The following FAM222B variants were observed in gnomAD, a reference collection of about 807,000 sequenced individuals.
FAM222B encodes family with sequence similarity 222 member B, also known as protein FAM222B.
Under a neutral mutation model 38.0 loss-of-function variants are expected in FAM222B, and 12 were observed. That is an observed-to-expected ratio of 0.32 (90% CI 0.20 to 0.51). The LOEUF (loss-of-function observed/expected upper bound fraction) is 0.51, where lower values mean the gene tolerates loss of function less well. Ranked by LOEUF, FAM222B falls within the 20% of genes least tolerant of loss-of-function variation. The pLI is 0.97. For synonymous variants in FAM222B, 329 were observed against 317.2 expected (o/e 1.04, Z -0.40); for missense variants, 716 against 754.2 (o/e 0.95, Z 0.59).
At chr17:28,760,038 A>G (rs2031556854) in intron 2 of FAM222B, among the ~76,000 whole-genome samples, 162 bp from the exon 3 acceptor site, 1 of 152,216 alleles carries the variant, frequency 6.6e-6, no homozygotes, top group South Asian at 2.1e-4. Context: ...TTCAGTCTTC[A>G]CATTAACAAG....
chr17:28,800,853 GAA>G (rs534314851), intron 1 of FAM222B, among the ~76,000 whole-genome samples: 46 of 111,046 alleles, frequency 4.1e-4, no homozygotes, highest in African/African-American at 1.3e-3. Flanking sequence ...ACATTTTGTT[GAA>G]AAAAAAAAAA....
intron 1 of FAM222B, among the ~76,000 whole-genome samples, chr17:28,836,655 C>T (rs967986179): frequency 2.0e-5 from 3 of 152,024 alleles, no homozygotes; most frequent in Non-Finnish European, 4.4e-5. Context: ...GTAATTGGAA[C>T]GGAACAGAAC....
chr17:28,776,148 G>C (rs1056706644), intron 1 of FAM222B, among the ~76,000 whole-genome samples: 2 of 150,228 alleles, frequency 1.3e-5, no homozygotes, highest in African/African-American at 2.4e-5. Flanking sequence ...TGAGGCGGGC[G>C]TATCATGAGA....
intron 1 of FAM222B, among the ~76,000 whole-genome samples, chr17:28,839,375 G>C (rs2038957464): frequency 6.6e-6 from 1 of 152,078 alleles, no homozygotes; most frequent in South Asian, 2.1e-4. Context: ...TTCTTCCCCA[G>C]GGAAAGAAAT....
At chr17:28,851,696 C>T (rs532839481) in intron 1 of FAM222B, among the ~76,000 whole-genome samples, 4 of 151,646 alleles carry the variant, frequency 2.6e-5, no homozygotes, top group South Asian at 2.1e-4. Flanking sequence ...GCCAACATGG[C>T]GAAACCCTGT....
intron 1 of FAM222B, among the ~76,000 whole-genome samples, chr17:28,780,052 C>T (rs1414363460): frequency 6.6e-6 from 1 of 151,528 alleles, no homozygotes; most frequent in African/African-American, 2.4e-5. Context: ...CTCACTGCAA[C>T]CTCTGCCTCC....
intron 1 of FAM222B, among the ~76,000 whole-genome samples, chr17:28,841,541 A>AT (rs1239116876): frequency 6.6e-6 from 1 of 151,692 alleles, no homozygotes; most frequent in Non-Finnish European, 1.5e-5. Flanking sequence ...CACCCGGCTG[A>AT]TTTTTTGTAT....
Position 28,759,791 on chromosome 17 carries a change from T to C in FAM222B, c.168A>G (p.Pro56=). 1 of 1,611,098 alleles carries C rather than the reference T, an allele frequency of 6.2e-7. No homozygotes were observed. The highest frequency in any genetic ancestry group is 1.1e-5 in the South Asian group (1 of 90,426). Residue 56 remains proline, a synonymous_variant, in exon 3 of 3, where the codon CCA becomes CCG. Coordinates refer to ENST00000581407, the MANE Select transcript of FAM222B (RefSeq NM_001077498.3). This position sits in a 1 kb window ranked among gnomAD's most constrained non-coding sequence, Gnocchi z 4.8. ...TGTTGGGGAAGATTTTTATAGTCAGTGGGTTGTTTGCGACCTTCTTAGCAT... is the reference window on the plus strand; with the variant it reads ...TGTTGGGGAAGATTTTTATAGTCAGCGGGTTGTTTGCGACCTTCTTAGCAT... The part of the protein sequence containing the change: ...DAYAKKVANN[P]LTIKIFPNSV...
At chr17:28,792,311 C>CAAAA (rs71135853) in intron 1 of FAM222B, among the ~76,000 whole-genome samples, 1 of 110,168 alleles carries the variant, frequency 9.1e-6, no homozygotes, top group Non-Finnish European at 1.8e-5. Flanking sequence ...GACTCTGTCT[C>CAAAA]AAAAAAAAAA....
In FAM222B at chr17:28,796,729, A is replaced by G. The variant is rs186599598; in HGVS notation, c.-40-30022T>C. On this transcript the variant is annotated intron_variant, in intron 1 of 2. Coordinates refer to ENST00000581407, the MANE Select transcript of FAM222B (RefSeq NM_001077498.3). ...ACTTCAACAGCAAAGATTAAAAAAA[A>G]AAAGAAAGAAAGAAAGTGGACCCAA... Among the ~76,000 whole-genome samples, 25 of 152,256 alleles carry G rather than the reference A, an allele frequency of 1.6e-4. 1 individual carries two copies. The highest frequency in any genetic ancestry group is 3.3e-4 in the Admixed American group (5 of 15,256).
At chr17:28,848,212 G>C (rs1449241744) in intron 1 of FAM222B, among the ~76,000 whole-genome samples, 1 of 152,078 alleles carries the variant, frequency 6.6e-6, no homozygotes, top group Non-Finnish European at 1.5e-5. Context: ...AGCTCCAGTG[G>C]GAAAGAAGCA....
chr17:28,817,442 G>C (rs2038065291), intron 1 of FAM222B, among the ~76,000 whole-genome samples: 1 of 150,382 alleles, frequency 6.6e-6, no homozygotes, highest in Non-Finnish European at 1.5e-5. Flanking sequence ...ATCATAATAA[G>C]GCCAGGCACA....
chr17:28,808,199 A>C (rs1224631702), intron 1 of FAM222B, among the ~76,000 whole-genome samples: 1 of 152,218 alleles, frequency 6.6e-6, no homozygotes, highest in Admixed American at 6.5e-5. Flanking sequence ...TTGCCCTATT[A>C]GTTACAAAAC....
chr17:28,836,708 A>C (rs574710690), intron 1 of FAM222B, among the ~76,000 whole-genome samples: 5 of 152,268 alleles, frequency 3.3e-5, no homozygotes, highest in South Asian at 2.1e-4. Context: ...AATGTCTGTA[A>C]TCTATAGATA....
rs144913172 is a variant in FAM222B at position 28,818,185 on chromosome 17, G to A, written c.-41+24497C>T. ...TTCAAGGTTATAGTGAGCTATGATCGTGCCACAGCACTCCAAGCCTCAGTG... is the reference window on the plus strand; with the variant it reads ...TTCAAGGTTATAGTGAGCTATGATCATGCCACAGCACTCCAAGCCTCAGTG... On this transcript the variant is annotated intron_variant, in intron 1 of 2. Coordinates refer to ENST00000581407, the MANE Select transcript of FAM222B (RefSeq NM_001077498.3). Among the ~76,000 whole-genome samples, 529 of 151,878 alleles carry A rather than the reference G, an allele frequency of 3.5e-3. 8 individuals are homozygous for A. The East Asian group carries it at 0.066, about 19-fold the overall frequency.
chr17:28,833,612 C>CAAAAAAA (rs370065990), intron 1 of FAM222B, among the ~76,000 whole-genome samples: 1 of 73,208 alleles, frequency 1.4e-5, no homozygotes, highest in Admixed American at 1.5e-4. Flanking sequence ...GACTTTGTCT[C>CAAAAAAA]AAAAAAAAAA....
At chr17:28,797,911 G>C (rs1389103582) in intron 1 of FAM222B, among the ~76,000 whole-genome samples, 1 of 151,568 alleles carries the variant, frequency 6.6e-6, no homozygotes, top group African/African-American at 2.4e-5. Flanking sequence ...AAAAAAATTA[G>C]CCAGGTGTGG....
intron 1 of FAM222B, among the ~76,000 whole-genome samples, chr17:28,793,357 GT>G (rs2036789835): frequency 6.6e-6 from 1 of 152,150 alleles, no homozygotes; most frequent in East Asian, 1.9e-4. Context: ...CTTCCAGAGT[GT>G]TAACCGTTTT....
At chr17:28,779,148 C>T (rs937647549) in intron 1 of FAM222B, among the ~76,000 whole-genome samples, 4 of 152,096 alleles carry the variant, frequency 2.6e-5, no homozygotes, top group Admixed American at 6.6e-5. Flanking sequence ...AAATCAAAGA[C>T]GACGAATACT....
Sources: gnomAD v4.1 joint callset for allele counts (sites outside exome capture counted in the v4.1 genomes callset) on GRCh38, gnomAD v4.1.1 for gene constraint, Gnocchi (gnomAD v3.1) non-coding constraint, MANE v1.5 for transcripts, NCBI Gene and HGNC (gene_info 2026-07-23, HGNC 2026-07-21) for gene names.